NKAIN3: variants seen among roughly 807,000 people sequenced by gnomAD.
NKAIN3 encodes sodium/potassium transporting ATPase interacting 3.
NKAIN3 carries 25 observed loss-of-function variants against 30.2 expected under a neutral mutation model. That is an observed-to-expected ratio of 0.83 (90% CI 0.60 to 1.16). The LOEUF (loss-of-function observed/expected upper bound fraction) is 1.16, where lower values mean the gene tolerates loss of function less well. NKAIN3 is among the 50% of genes most tolerant of loss of function. The probability of loss-of-function intolerance (pLI) is 0.00; values close to 1 mark genes in which losing one functional copy is unlikely to be tolerated. For synonymous variants in NKAIN3, 91 were observed against 89.6 expected (o/e 1.02, Z -0.09); for missense variants, 225 against 254.1 (o/e 0.89, Z 0.78).
chr8:62,707,945 G>A (rs1814586271), intron 3 of NKAIN3, among the ~76,000 whole-genome samples: 1 of 152,026 alleles, frequency 6.6e-6, no homozygotes, highest in Non-Finnish European at 1.5e-5. Flanking sequence ...CCTATATGTG[G>A]CTAGCCAGTT....
At chr8:62,956,253 A>C (rs1160181698) in intron 6 of NKAIN3, among the ~76,000 whole-genome samples, 6 of 152,180 alleles carry the variant, frequency 3.9e-5, no homozygotes, top group Non-Finnish European at 8.8e-5. Flanking sequence ...TTCTGTGCGA[A>C]ATTGTTAGAG....
At chr8:62,905,448 GC>G (rs1268552246) in intron 4 of NKAIN3, among the ~76,000 whole-genome samples, 6 of 152,158 alleles carry the variant, frequency 3.9e-5, no homozygotes, top group Non-Finnish European at 5.9e-5. Flanking sequence ...ATTCAAACAT[GC>G]TATAATTGCT....
At chr8:62,954,130 T>C (rs1432902260) in intron 6 of NKAIN3, among the ~76,000 whole-genome samples, 158 bp downstream of exon 6, 1 of 152,176 alleles carries the variant, frequency 6.6e-6, no homozygotes, top group Non-Finnish European at 1.5e-5. Context: ...ACATCATCAT[T>C]ATTATTATTC....
At chr8:62,281,332 G>C (rs1813181109) in intron 1 of NKAIN3, among the ~76,000 whole-genome samples, 1 of 151,990 alleles carries the variant, frequency 6.6e-6, no homozygotes, top group Non-Finnish European at 1.5e-5. Flanking sequence ...CCAGCTCCTG[G>C]ATTCATGGAT....
intron 1 of NKAIN3, among the ~76,000 whole-genome samples, chr8:62,456,297 G>A (rs956882512): frequency 1.1e-4 from 16 of 152,026 alleles, no homozygotes; most frequent in East Asian, 1.9e-4. Flanking sequence ...CGACGTGGGC[G>A]GATCACGAGG....
At chr8:62,422,007 C>A (rs1804656008) in intron 1 of NKAIN3, among the ~76,000 whole-genome samples, 1 of 152,064 alleles carries the variant, frequency 6.6e-6, no homozygotes, top group African/African-American at 2.4e-5. Context: ...GCATTAACAG[C>A]TGCTATTACA....
chr8:62,844,015 C>A (rs757943800), intron 4 of NKAIN3, among the ~76,000 whole-genome samples: 1 of 152,050 alleles, frequency 6.6e-6, no homozygotes, highest in Admixed American at 6.6e-5. Context: ...ATCCTAAATC[C>A]GATAACTAAG....
intron 1 of NKAIN3, among the ~76,000 whole-genome samples, chr8:62,402,794 G>T (rs13248442): frequency 0.018 from 2,811 of 152,048 alleles, 44 homozygotes; most frequent in Non-Finnish European, 0.031. Flanking sequence ...ACAGTAAATT[G>T]GTACCGCAAA....
At chr8:62,842,999 G>A (rs921830827) in intron 4 of NKAIN3, among the ~76,000 whole-genome samples, 2 of 151,926 alleles carry the variant, frequency 1.3e-5, no homozygotes, top group Non-Finnish European at 2.9e-5. Flanking sequence ...TAGACAAATG[G>A]GATTGCATCA....
rs199892781 is a variant in NKAIN3, at chr8:62,983,062, T to C, written c.*17655T>C. ...GAAGTTTCACTGCAGGTAGCTACCATACCAGCATTTGGTAAACTAGCTCCC... is the reference window on the plus strand; with the variant it reads ...GAAGTTTCACTGCAGGTAGCTACCACACCAGCATTTGGTAAACTAGCTCCC... On this transcript the variant is annotated 3_prime_UTR_variant, in exon 7 of 7. Coordinates refer to ENST00000623646, the MANE Select transcript of NKAIN3 (RefSeq NM_001304533.3). The C allele has an allele frequency of 2.6e-5, 4 of 152,280 alleles. No individual in the cohort carries two copies. In the East Asian group the frequency reaches 7.7e-4, roughly 29 times the overall value. The allele number at this position is 152,280 out of a possible 1,614,324, so 9.4% of individuals were successfully genotyped here.
intron 5 of NKAIN3, among the ~76,000 whole-genome samples, chr8:62,991,611 A>G (rs1824322449): frequency 6.6e-6 from 1 of 152,210 alleles, no homozygotes; most frequent in Admixed American, 6.5e-5. Context: ...TTATGTAGAA[A>G]TGACTTCATT....
intron 1 of NKAIN3, among the ~76,000 whole-genome samples, chr8:62,258,721 A>G (rs1812337185): frequency 6.6e-6 from 1 of 152,190 alleles, no homozygotes; most frequent in African/African-American, 2.4e-5. Context: ...CATTCGTTAA[A>G]AATAAAAATA....
chr8:62,350,639 T>A (rs564874779), intron 1 of NKAIN3, among the ~76,000 whole-genome samples: 25 of 152,262 alleles, frequency 1.6e-4, no homozygotes, highest in Admixed American at 1.4e-3. Flanking sequence ...TATATTTTAA[T>A]CATCAAAAAA....
At chr8:62,730,687 C>A (rs1586138179) in intron 3 of NKAIN3, among the ~76,000 whole-genome samples, 4 of 152,154 alleles carry the variant, frequency 2.6e-5, no homozygotes. Flanking sequence ...TTCTTCCTTT[C>A]TTTTTATATT....
intron 1 of NKAIN3, among the ~76,000 whole-genome samples, chr8:62,554,359 T>A (rs75945579): frequency 0.035 from 5,291 of 152,216 alleles, 243 homozygotes; most frequent in African/African-American, 0.12. Flanking sequence ...AAAGGAATAC[T>A]CAAGCTAGGA....
intron 4 of NKAIN3, among the ~76,000 whole-genome samples, chr8:62,848,683 G>A (rs1335950968): frequency 4.6e-5 from 7 of 152,006 alleles, no homozygotes; most frequent in African/African-American, 2.4e-5. Context: ...TGATTGCCTG[G>A]GCCAGAACTT....
intron 1 of NKAIN3, among the ~76,000 whole-genome samples, chr8:62,312,823 C>CAAAAAA (rs56252388): frequency 7.0e-6 from 1 of 142,408 alleles, no homozygotes; most frequent in Admixed American, 7.0e-5. Flanking sequence ...AACCTTGTCT[C>CAAAAAA]AAAAAAAAAA....
intron 4 of NKAIN3, among the ~76,000 whole-genome samples, chr8:62,786,828 G>A (rs1817535431): frequency 6.6e-6 from 1 of 152,182 alleles, no homozygotes; most frequent in African/African-American, 2.4e-5. Context: ...ATATGTTAGA[G>A]TCTGGACTGT....
chr8:62,769,417 A>G (rs1021062513), intron 4 of NKAIN3, among the ~76,000 whole-genome samples: 4 of 152,198 alleles, frequency 2.6e-5, no homozygotes, highest in African/African-American at 7.2e-5. Flanking sequence ...GTCTTGTTTC[A>G]ATTACTATCA....
Sources: gnomAD v4.1 joint callset for allele counts (sites outside exome capture counted in the v4.1 genomes callset) on GRCh38, gnomAD v4.1.1 for gene constraint, MANE v1.5 for transcripts, NCBI Gene and HGNC (gene_info 2026-07-23, HGNC 2026-07-21) for gene names.